Variants in ZNF536 observed in about 807,000 individuals in gnomAD.
ZNF536 encodes zinc finger protein 536.
A neutral mutation model predicts 84.5 loss-of-function variants in ZNF536; 13 were observed. The ratio of observed to expected loss-of-function variants is 0.15; its 90% confidence interval spans 0.10 to 0.24. ZNF536 has a LOEUF of 0.24. ZNF536 is among the 10% of genes least tolerant of loss of function. ZNF536 has a pLI of 1.00. For missense variants in ZNF536, 1,536 were observed against 1,747.5 expected (o/e 0.88, Z 2.16); for synonymous variants, 811 against 742.5 (o/e 1.09, Z -1.50).
At chr19:30,489,548 C>T (rs1039684672) in intron 2 of ZNF536, among the ~76,000 whole-genome samples, 24 of 152,056 alleles carry the variant, frequency 1.6e-4, no homozygotes, top group African/African-American at 5.6e-4. Context: ...TGCCACTGCA[C>T]TCCAGCCTGG....
intron 2 of ZNF536, among the ~76,000 whole-genome samples, chr19:30,509,599 T>C (rs551139051): frequency 1.3e-5 from 2 of 151,606 alleles, no homozygotes; most frequent in Non-Finnish European, 2.9e-5. Flanking sequence ...GGGACATATA[T>C]AGATAGTAAA....
chr19:30,435,491 C>T (rs1226024635), intron 1 of ZNF536, among the ~76,000 whole-genome samples: 5 of 138,910 alleles, frequency 3.6e-5, no homozygotes, highest in East Asian at 2.2e-4. Context: ...CTGATGATGA[C>T]GATGGTGATG....
chr19:30,353,217 C>T (rs1025500974), intron 3 of ZNF536, among the ~76,000 whole-genome samples: 12 of 152,138 alleles, frequency 7.9e-5, no homozygotes, highest in East Asian at 1.9e-4. Flanking sequence ...TATTAAGAAT[C>T]GGAAGGGATA....
At chr19:30,561,517 A>G (rs1599812041), downstream of ZNF536, among the ~76,000 whole-genome samples, 6 of 152,294 alleles carry the variant, frequency 3.9e-5, 1 homozygote, top group South Asian at 1.2e-3. Flanking sequence ...CAGGCAGTAG[A>G]TATGGGAGGT....
At chr19:30,685,170 G>C (rs1002859025) in intron 1 of ZNF536, among the ~76,000 whole-genome samples, 26 of 152,198 alleles carry the variant, frequency 1.7e-4, no homozygotes, top group African/African-American at 5.8e-4. Flanking sequence ...CACCAAAGGG[G>C]TTTGGGTGTG....
intron 1 of ZNF536, among the ~76,000 whole-genome samples, chr19:30,685,840 C>T (rs1257270722): frequency 6.6e-6 from 1 of 152,202 alleles, no homozygotes; most frequent in Non-Finnish European, 1.5e-5. Flanking sequence ...TTGCTGAGAT[C>T]CCAAGTTACT....
intron 1 of ZNF536, among the ~76,000 whole-genome samples, chr19:30,236,290 G>A (rs998585234): frequency 6.6e-6 from 1 of 152,236 alleles, no homozygotes; most frequent in Non-Finnish European, 1.5e-5. Context: ...GCCACAGCCT[G>A]CCTGGAGCTC....
chr19:30,417,671 G>C (rs1172470707), intron 1 of ZNF536, among the ~76,000 whole-genome samples: 1 of 152,090 alleles, frequency 6.6e-6, no homozygotes, highest in Non-Finnish European at 1.5e-5. Flanking sequence ...TAAGAATTGG[G>C]GTGATGGGGC....
chr19:30,412,415 GAT>G (rs772053096), intron 1 of ZNF536, among the ~76,000 whole-genome samples: 1 of 151,258 alleles, frequency 6.6e-6, no homozygotes, highest in Non-Finnish European at 1.5e-5. Flanking sequence ...GGATGTTGTT[GAT>G]ATAATATGAT....
chr19:30,458,447 G>GTTTTTGTTTTTTT (rs2052963808), intron 2 of ZNF536, among the ~76,000 whole-genome samples: 1 of 83,490 alleles, frequency 1.2e-5, no homozygotes, highest in African/African-American at 5.6e-5. Flanking sequence ...ATTTCCTGCT[G>GTTTTTGTTTTTTT]TTTTTTTTTT....
intron 1 of ZNF536, among the ~76,000 whole-genome samples, chr19:30,273,532 T>C (rs1347313904): frequency 6.6e-6 from 1 of 152,250 alleles, no homozygotes; most frequent in East Asian, 1.9e-4. Flanking sequence ...TGTCTGTATA[T>C]CTTCTTTGGG....
At chr19:30,416,732 C>A (rs2050749917) in intron 1 of ZNF536, among the ~76,000 whole-genome samples, 2 of 152,120 alleles carry the variant, frequency 1.3e-5, no homozygotes. Context: ...ACTTTAAACT[C>A]TCTCCTGTGT....
intron 2 of ZNF536, among the ~76,000 whole-genome samples, chr19:30,323,085 C>G (rs185415315): frequency 6.6e-6 from 1 of 152,130 alleles, no homozygotes; most frequent in East Asian, 1.9e-4. Context: ...AGGACTAAGA[C>G]TCCATGATTT....
At position 30,575,124 on chromosome 19, in the gene ZNF536, CCATT is replaced by C. The variant is rs370451298; in HGVS notation, c.169+25637_169+25640del. Among the ~76,000 whole-genome samples, 426 of 152,162 alleles carry C rather than the reference CCATT, an allele frequency of 2.8e-3. 2 individuals are homozygous for C. Among genetic ancestry groups the C allele is most frequent in the African/African-American group, 9.4e-3 (392 of 41,504 alleles). On this transcript the variant is annotated intron_variant, in intron 1 of 1. Coordinates refer to the ZNF536 transcript ENST00000592773. ...GGAGGTACTCTGCAGCAGAATTTAT[CCATT>C]CATTCATTCATTCATTCATTCATTC...
chr19:30,242,069 T>C (rs2023977028), intron 1 of ZNF536, among the ~76,000 whole-genome samples: 1 of 151,922 alleles, frequency 6.6e-6, no homozygotes, highest in South Asian at 2.1e-4. Flanking sequence ...TGTTGAGGGG[T>C]AATTCCTGTG....
chr19:30,331,795 T>C (rs559254275), intron 2 of ZNF536, among the ~76,000 whole-genome samples: 1 of 152,236 alleles, frequency 6.6e-6, no homozygotes, highest in Non-Finnish European at 1.5e-5. Context: ...TGTCAATCAT[T>C]GGTGTGCTCA....
At chr19:30,504,063 A>G (rs1018657578) in intron 2 of ZNF536, among the ~76,000 whole-genome samples, 1 of 152,186 alleles carries the variant, frequency 6.6e-6, no homozygotes, top group African/African-American at 2.4e-5. Flanking sequence ...AAATCAATAA[A>G]GAAAATAATA....
At chr19:30,658,780 T>C (rs2050014066) in intron 1 of ZNF536, among the ~76,000 whole-genome samples, 1 of 152,200 alleles carries the variant, frequency 6.6e-6, no homozygotes, top group Non-Finnish European at 1.5e-5. Context: ...ACCATATCTG[T>C]CTTGTTCACA....
At chr19:30,362,362 C>T (rs888779769) in intron 3 of ZNF536, among the ~76,000 whole-genome samples, 1 of 152,212 alleles carries the variant, frequency 6.6e-6, no homozygotes, top group African/African-American at 2.4e-5. Context: ...CAGCTGGGAA[C>T]AGCATGATGC....
Sources: allele counts gnomAD v4.1 joint callset (sites outside exome capture counted in the v4.1 genomes callset), GRCh38; gene constraint gnomAD v4.1.1; transcripts MANE v1.5; gene names NCBI Gene and HGNC (gene_info 2026-07-23, HGNC 2026-07-21).